ADGRF1: variants seen among roughly 807,000 people sequenced by gnomAD.
ADGRF1 encodes the protein adhesion G protein-coupled receptor F1.
Under a neutral mutation model 87.2 loss-of-function variants are expected in ADGRF1, and 85 were observed. The ratio of observed to expected loss-of-function variants is 0.97; its 90% CI spans 0.82 to 1.17. ADGRF1 has a LOEUF of 1.17. Ranked by LOEUF, ADGRF1 falls within the 50% of genes most tolerant of loss-of-function variation. The pLI, the probability that ADGRF1 is intolerant of heterozygous loss-of-function variation, is 0.00. For missense variants in ADGRF1, 1,169 were observed against 1,077.2 expected, an observed-to-expected ratio of 1.09 and a Z score of -1.19; for synonymous variants, 430 against 408.8, an observed-to-expected ratio of 1.05 and a Z score of -0.63.
chr6:47,036,157 G>C (rs1383793424), intron 1 of ADGRF1, among the ~76,000 whole-genome samples: 4 of 152,108 alleles, frequency 2.6e-5, no homozygotes, highest in Non-Finnish European at 4.4e-5. Flanking sequence ...CTGAGCCCTG[G>C]AGGCGGAGGT....
In ADGRF1 at chr6:47,009,339, A is replaced by G. The variant is rs1280143287; in HGVS notation, c.2096T>C (p.Met699Thr). ...VFHHMAQHLM[M>T]AVGFCLGYGC... is the part of the protein sequence containing the mutation. ...ATAACCCAGGCAAAATCCAACAGCC[A>G]TCATCAAATGCTGGGCCATGTGATG... Residue 699 changes from methionine (M) to threonine (T), a missense_variant, in exon 11 of 15, where the codon ATG (methionine) becomes ACG (threonine). Coordinates refer to ENST00000371253, the MANE Select transcript of ADGRF1 (RefSeq NM_153840.4). The G allele has an allele frequency of 2.3e-5, 37 of 1,614,096 alleles. No individual in the cohort carries two copies. Among genetic ancestry groups the G allele is most frequent in the Non-Finnish European group, 3.0e-5 (35 of 1,180,038 alleles).
At chr6:47,017,600 G>A (rs1366420514) in intron 7 of ADGRF1, 1 of 151,498 alleles carries the variant, frequency 6.6e-6, no homozygotes, top group Non-Finnish European at 1.5e-5. Flanking sequence ...TTACCATGGA[G>A]TACTACTGGA....
At chr6:47,016,874 A>G in intron 7 of ADGRF1, 106 bp from the exon 8 acceptor site, 1 of 1,368,610 alleles carries the variant, frequency 7.3e-7, no homozygotes. Context: ...GAATAAAGTA[A>G]ACAGAGCTTA....
chr6:47,018,281 C>T, intron 7 of ADGRF1: 1 of 763,052 alleles, frequency 1.3e-6, no homozygotes. Context: ...GTCAATCCTG[C>T]AATAACTCAT....
At chr6:47,015,757 T>A (rs1779854949) in intron 8 of ADGRF1, among the ~76,000 whole-genome samples, 1 of 147,268 alleles carries the variant, frequency 6.8e-6, no homozygotes, top group African/African-American at 2.5e-5. Flanking sequence ...CTGGCTAATT[T>A]TTTTTTTTTT....
intron 7 of ADGRF1, 39 bp from the exon 8 acceptor site, chr6:47,016,807 C>A: frequency 6.5e-7 from 1 of 1,541,434 alleles, no homozygotes; most frequent in South Asian, 1.2e-5. Flanking sequence ...AGATTCACTA[C>A]TTATTTATTC....
chr6:47,003,550 A>G (rs1463840535), intron 13 of ADGRF1, among the ~76,000 whole-genome samples: 1 of 152,102 alleles, frequency 6.6e-6, no homozygotes. Flanking sequence ...GGTCTACACA[A>G]CCCCTTAGCT....
At position 47,000,234 on chromosome 6, in the gene ADGRF1, GACAA is replaced by G; in HGVS notation, c.2717_2720del (p.Phe906SerfsTer22). 6.2e-7 allele frequency: 1 copy of G among 1,607,748 alleles called. No individual in the cohort carries two copies. Among genetic ancestry groups the G allele is most frequent in the Non-Finnish European group, 8.5e-7 (1 of 1,176,538 alleles). ...ATGATTCCTTGCCTTATTCATTTGA[GACAA>G]ACTGAGTTAGCATGATGTTGTCGGA... is the stretch of plus-strand genomic sequence containing the variant. On this transcript the variant is annotated frameshift_variant, in exon 15 of 15. Transcript: ENST00000371253. LOFTEE classifies it high-confidence loss of function.
chr6:47,014,434 CACA>C (rs1779800090), intron 9 of ADGRF1: 2 of 1,229,360 alleles, frequency 1.6e-6, no homozygotes, highest in South Asian at 4.5e-5. Flanking sequence ...TACACTCCTC[CACA>C]ACACCTCTGC....
At chr6:47,036,868 A>C (rs1780602579) in intron 1 of ADGRF1, among the ~76,000 whole-genome samples, 1 of 152,216 alleles carries the variant, frequency 6.6e-6, no homozygotes. Flanking sequence ...TCAAGATTCT[A>C]CACCATACAG....
intron 4 of ADGRF1, among the ~76,000 whole-genome samples, chr6:47,024,999 C>T (rs1780184147): frequency 6.6e-6 from 1 of 152,332 alleles, no homozygotes; most frequent in South Asian, 2.1e-4. Context: ...TTCTATCCAC[C>T]TGCTACCACT....
chr6:47,001,143 T>C (rs563405145), intron 14 of ADGRF1, among the ~76,000 whole-genome samples: 1 of 152,380 alleles, frequency 6.6e-6, no homozygotes, highest in East Asian at 1.9e-4. Flanking sequence ...GCTTGGCAGC[T>C]GGCACAAAGG....
Position 47,025,856 on chromosome 6 carries a change from G to A in ADGRF1, c.275C>T (p.Thr92Ile). 2 of 1,583,056 alleles carry A rather than the reference G, an allele frequency of 1.3e-6. No individual in the cohort carries two copies. The highest frequency in any genetic ancestry group is 8.6e-7 in the Non-Finnish European group (1 of 1,159,970). ...LIRIIRAKAT[T>I]DCNSLNGVLQ... ...CCAGTCACCGAGAGCCACCTTACCTGTGGTAGCCTTTGCTCTGATAATTCT... is the reference window on the plus strand; with the variant it reads ...CCAGTCACCGAGAGCCACCTTACCTATGGTAGCCTTTGCTCTGATAATTCT... Residue 92 changes from threonine to isoleucine, a missense_variant and splice_region_variant, in exon 4 of 15, where the codon ACA becomes ATA. Coordinates refer to ENST00000371253, the MANE Select transcript of ADGRF1 (RefSeq NM_153840.4).
In ADGRF1 at chr6:47,042,215, G is replaced by C. The variant is rs2277115; in HGVS notation, c.-68C>G. 61,639 of 151,916 alleles carry C rather than the reference G, an allele frequency of 0.41. 12,653 individuals carry two copies. Among genetic ancestry groups the C allele is most frequent in the Middle Eastern group, 0.56 (163 of 292 alleles). The allele number at this position is 151,916 out of a possible 1,614,324, so 9.4% of individuals were successfully genotyped here. A position where few individuals can be genotyped will look rare whatever the true frequency, so the allele number is the denominator to read the frequency against. On this transcript the variant is annotated 5_prime_UTR_variant, in exon 1 of 15. Coordinates refer to ENST00000371253, the MANE Select transcript of ADGRF1 (RefSeq NM_153840.4). ...CCTGGTGATTTATCTCTTCACACCA[G>C]AACTCGAGGGAGCCCTTCCTTCAGT...
intron 1 of ADGRF1, among the ~76,000 whole-genome samples, chr6:47,030,568 A>G (rs1203618145): frequency 7.1e-6 from 1 of 139,940 alleles, no homozygotes; most frequent in Admixed American, 7.3e-5. Context: ...ATATGTGATA[A>G]CATGAATATG....
chr6:47,030,580 G>GTGTT (rs1394785907), intron 1 of ADGRF1, among the ~76,000 whole-genome samples: 1 of 142,370 alleles, frequency 7.0e-6, no homozygotes, highest in South Asian at 2.2e-4. Context: ...ATGAATATGT[G>GTGTT]TGTGTGTGTG....
intron 9 of ADGRF1, 172 bp from the exon 10 acceptor site, chr6:47,012,367 A>C: frequency 8.2e-7 from 1 of 1,212,910 alleles, no homozygotes; most frequent in Non-Finnish European, 1.1e-6. Context: ...TATATTTTAG[A>C]CATTGCACTA....
chr6:47,029,358 G>GT (rs552235976), intron 1 of ADGRF1, among the ~76,000 whole-genome samples: 4,186 of 145,856 alleles, frequency 0.029, 166 homozygotes, highest in African/African-American at 0.088. Context: ...CTAAACACAG[G>GT]TTTTTTTTTT....
chr6:47,019,200 G>T lies in ADGRF1; in HGVS notation c.611+1531C>A, dbSNP rs1299109283. On this transcript the variant is annotated intron_variant, in intron 7 of 14. Coordinates refer to ENST00000371253, the MANE Select transcript of ADGRF1 (RefSeq NM_153840.4). ...GATATGCATGATAGAATATAAATTAGAAGTATAAATAGAAAACAAGGATCA... is the reference window on the plus strand; with the variant it reads ...GATATGCATGATAGAATATAAATTATAAGTATAAATAGAAAACAAGGATCA... 1.1e-5 allele frequency: 8 copies of T among 724,954 alleles called. No homozygotes were observed. In the African/African-American group the frequency reaches 1.3e-4, roughly 12 times the overall value. 44.9% of individuals were successfully genotyped at this position (724,954 alleles called of 1,614,324 possible).
Sources: allele counts gnomAD v4.1 joint callset (sites outside exome capture counted in the v4.1 genomes callset), GRCh38; gene constraint gnomAD v4.1.1; transcripts MANE v1.5; gene names NCBI Gene and HGNC (gene_info 2026-07-23, HGNC 2026-07-21).